The following ATXN7L1 variants were observed in gnomAD, a reference collection of about 807,000 sequenced individuals.
ATXN7L1 encodes the protein ataxin 7 like 1.
In ATXN7L1, 15 loss-of-function variants were observed where a neutral mutation model predicts 70.8. The ratio of observed to expected loss-of-function variants is 0.21; its 90% confidence interval spans 0.14 to 0.33. ATXN7L1 has a LOEUF of 0.33. ATXN7L1 is among the 10% of genes least tolerant of loss of function. The pLI, the probability that ATXN7L1 is intolerant of heterozygous loss-of-function variation, is 1.00. For synonymous variants in ATXN7L1, 440 were observed against 445.1 expected (o/e 0.99, Z 0.14); for missense variants, 975 against 1,097.1 (o/e 0.89, Z 1.57).
intron 3 of ATXN7L1, among the ~76,000 whole-genome samples, chr7:105,680,772 C>G (rs1805443341): frequency 6.6e-6 from 1 of 152,214 alleles, no homozygotes; most frequent in African/African-American, 2.4e-5. Flanking sequence ...AAAGGGCAGG[C>G]CCGAGGCCTG....
intron 4 of ATXN7L1, among the ~76,000 whole-genome samples, chr7:105,662,246 GTGTGT>G (rs1280567754): frequency 6.6e-6 from 1 of 151,910 alleles, no homozygotes; most frequent in Non-Finnish European, 1.5e-5. Context: ...GGGATTACAG[GTGTGT>G]GCCACCACGC....
At chr7:105,636,453 C>CA (rs1170304065) in intron 7 of ATXN7L1, among the ~76,000 whole-genome samples, 5 of 150,806 alleles carry the variant, frequency 3.3e-5, no homozygotes, top group Admixed American at 1.3e-4. Flanking sequence ...CTCTGCCCCC[C>CA]CCACCCCCAC....
intron 3 of ATXN7L1, among the ~76,000 whole-genome samples, chr7:105,727,746 G>GTGTATATATATATATATATATATA (rs1333693053): frequency 1.1e-4 from 6 of 55,334 alleles, no homozygotes; most frequent in East Asian, 9.3e-4. Flanking sequence ...GTGTATGTGT[G>GTGTATATATATATATATATATATA]TATATATATA....
rs999108050 is a variant in ATXN7L1, at chr7:105,639,505, T to C, written c.927A>G (p.Thr309=). The change falls in exon 6 of 12, where the codon ACA becomes ACG. Residue 309 remains threonine, a synonymous_variant. Transcript: ENST00000419735. The part of the protein sequence containing the change: ...VLDPETKKPC[T]RSLTCKTHSL... ...GAAATACCTTGCAGGTGAGGGATCT[T>C]GTGCAAGGTTTCTTTGTCTCGGGAT... 21 of 1,550,886 alleles carry C rather than the reference T, an allele frequency of 1.4e-5. No individual in the cohort carries two copies. Among genetic ancestry groups the C allele is most frequent in the Non-Finnish European group, 1.8e-5 (21 of 1,146,356 alleles).
chr7:105,870,174 C>T (rs905897532), intron 2 of ATXN7L1, among the ~76,000 whole-genome samples: 8 of 151,372 alleles, frequency 5.3e-5, no homozygotes, highest in South Asian at 4.2e-4. Flanking sequence ...CCCAGCTACT[C>T]GGGAGCCTGA....
intron 3 of ATXN7L1, among the ~76,000 whole-genome samples, chr7:105,705,035 T>C (rs895262809): frequency 6.6e-6 from 1 of 151,950 alleles, no homozygotes; most frequent in Non-Finnish European, 1.5e-5. Flanking sequence ...TATTTATTTA[T>C]TTATTTTGAG....
Position 105,686,626 on chromosome 7 carries a change from C to T in ATXN7L1, c.356-21338G>A, listed in dbSNP as rs564920. On this transcript the variant is annotated intron_variant, in intron 3 of 11. Transcript: ENST00000419735. ...ATGTGCTCAGAACATAACCTACAGT[C>T]GGGCAGAATGCCCTAACACGAAGCC... 9.8e-3 allele frequency among the ~76,000 whole-genome samples: 1,490 copies of T among 152,280 alleles called. 28 individuals carry two copies. Among genetic ancestry groups the T allele is most frequent in the African/African-American group, 0.034 (1,429 of 41,556 alleles).
At chr7:105,729,175 A>ACAGGC (rs1796235342) in intron 3 of ATXN7L1, among the ~76,000 whole-genome samples, 2 of 152,124 alleles carry the variant, frequency 1.3e-5, no homozygotes, top group African/African-American at 4.8e-5. Context: ...GGAGTCTGAG[A>ACAGGC]CAGGAGGTTC....
intron 3 of ATXN7L1, among the ~76,000 whole-genome samples, chr7:105,740,530 C>A (rs2116358167): frequency 6.6e-6 from 1 of 152,182 alleles, no homozygotes; most frequent in Admixed American, 6.5e-5. Flanking sequence ...ACCGCTAACC[C>A]AAAGTTCTCC....
At chr7:105,725,347 G>T (rs541218286) in intron 3 of ATXN7L1, among the ~76,000 whole-genome samples, 6 of 152,330 alleles carry the variant, frequency 3.9e-5, no homozygotes, top group African/African-American at 1.2e-4. Context: ...GCCGGAGCCA[G>T]TTGTGACAAA....
At chr7:105,654,331 C>G (rs1358957106) in intron 4 of ATXN7L1, among the ~76,000 whole-genome samples, 2 of 152,264 alleles carry the variant, frequency 1.3e-5, no homozygotes, top group Non-Finnish European at 2.9e-5. Flanking sequence ...GCACACCTAC[C>G]ATGCATGAGC....
intron 9 of ATXN7L1, chr7:105,617,976 G>C: frequency 4.4e-6 from 2 of 456,772 alleles, no homozygotes; most frequent in South Asian, 1.5e-5. Context: ...GGGTAGCGGG[G>C]TGCTACGCTC....
chr7:105,679,992 G>T (rs1245395695), intron 3 of ATXN7L1, among the ~76,000 whole-genome samples: 1 of 151,356 alleles, frequency 6.6e-6, no homozygotes, highest in Non-Finnish European at 1.5e-5. Flanking sequence ...CTCCTGTGTG[G>T]CATCCAACAT....
intron 3 of ATXN7L1, among the ~76,000 whole-genome samples, chr7:105,716,029 A>C (rs947473237): frequency 6.6e-6 from 1 of 152,064 alleles, no homozygotes; most frequent in African/African-American, 2.4e-5. Flanking sequence ...GGAAGAGAAA[A>C]AAGAGATGGT....
intron 3 of ATXN7L1, among the ~76,000 whole-genome samples, chr7:105,754,764 G>C (rs1799610916): frequency 6.6e-6 from 1 of 152,148 alleles, no homozygotes. Context: ...TCAGTCTATT[G>C]GTTCATTTTT....
chr7:105,686,886 A>C (rs1163422699), intron 3 of ATXN7L1, among the ~76,000 whole-genome samples: 1 of 152,174 alleles, frequency 6.6e-6, no homozygotes, highest in Non-Finnish European at 1.5e-5. Flanking sequence ...GAATCTATTA[A>C]CAGATCAGGG....
At chr7:105,746,605 T>C (rs922903902) in intron 3 of ATXN7L1, among the ~76,000 whole-genome samples, 1 of 152,246 alleles carries the variant, frequency 6.6e-6, no homozygotes, top group Non-Finnish European at 1.5e-5. Flanking sequence ...CTGACTTTTC[T>C]TCACCTGACA....
At chr7:105,849,402 G>A (rs1226958253) in intron 2 of ATXN7L1, among the ~76,000 whole-genome samples, 3 of 152,206 alleles carry the variant, frequency 2.0e-5, no homozygotes, top group Non-Finnish European at 4.4e-5. Flanking sequence ...AAGGGCAAGA[G>A]GGTCAAGCCT....
intron 9 of ATXN7L1, among the ~76,000 whole-genome samples, chr7:105,616,805 G>C (rs943019032): frequency 5.3e-5 from 8 of 152,172 alleles, no homozygotes; most frequent in African/African-American, 1.9e-4. Context: ...TTTCTTAGAG[G>C]GGGAGGAACC....
Sources: allele counts gnomAD v4.1 joint callset (sites outside exome capture counted in the v4.1 genomes callset), GRCh38; gene constraint gnomAD v4.1.1; transcripts MANE v1.5; gene names NCBI Gene and HGNC (gene_info 2026-07-23, HGNC 2026-07-21).